Variants in CFAP70 observed in about 807,000 individuals in gnomAD.
CFAP70 encodes the protein cilia and flagella associated protein 70, also known as cilia- and flagella-associated protein 70.
In CFAP70, 81 loss-of-function variants were observed where a neutral mutation model predicts 137.6. The observed-to-expected ratio is 0.59, with a 90% CI of 0.49 to 0.71. CFAP70 has a LOEUF of 0.71. Ranked by LOEUF, CFAP70 falls within the 30% of genes least tolerant of loss-of-function variation. CFAP70 has a pLI of 0.00. For missense variants in CFAP70, 976 were observed against 1,226.7 expected (o/e 0.80, Z 3.05); for synonymous variants, 382 against 423.6 (o/e 0.90, Z 1.20).
intron 21 of CFAP70, chr10:73,276,910 A>C: frequency 5.5e-6 from 1 of 182,046 alleles, no homozygotes; most frequent in Non-Finnish European, 1.1e-5. Context: ...CCTAGAAGGG[A>C]AGAAGGGAAT....
rs534067540 is a variant in CFAP70 at position 73,329,161 on chromosome 10, T to TA, written c.777+2015dup. On this transcript the variant is annotated intron_variant, in intron 8 of 26. Transcript: ENST00000310715. ...TACACCGTGGAATACTATGTAGCCA[T>TA]AAAAAATGATGAGTTCATGTCCTTT... Among the ~76,000 whole-genome samples the TA allele has an allele frequency of 2.6e-3, 397 of 152,278 alleles. 2 individuals are homozygous for TA. The highest frequency in any genetic ancestry group is 9.1e-3 in the African/African-American group (377 of 41,534).
intron 21 of CFAP70, 47 bp downstream of exon 22, chr10:73,277,193 T>C (rs1248606375): frequency 6.3e-7 from 1 of 1,576,314 alleles, no homozygotes; most frequent in African/African-American, 1.4e-5. Context: ...GAATAAAGAG[T>C]TTGCTAAAAT....
intron 9 of CFAP70, among the ~76,000 whole-genome samples, chr10:73,322,644 T>C (rs2050978449): frequency 8.2e-6 from 1 of 122,438 alleles, no homozygotes; most frequent in Admixed American, 7.9e-5. Flanking sequence ...TGCATTTTAG[T>C]CTGTGCTGTT....
intron 8 of CFAP70, among the ~76,000 whole-genome samples, chr10:73,330,341 T>G (rs2051947231): frequency 6.6e-6 from 1 of 151,074 alleles, no homozygotes; most frequent in South Asian, 2.1e-4. Flanking sequence ...TCCCAGCTAC[T>G]CAGGAGGCTG....
At chr10:73,254,722 C>CT (rs2133468172) in intron 26 of CFAP70, among the ~76,000 whole-genome samples, 2 of 152,216 alleles carry the variant, frequency 1.3e-5, no homozygotes, top group South Asian at 4.1e-4. Flanking sequence ...AGCATGGCCC[C>CT]TTTTTCCTTT....
chr10:73,320,222 T>C (rs528934229), intron 9 of CFAP70, among the ~76,000 whole-genome samples: 40 of 152,324 alleles, frequency 2.6e-4, no homozygotes, highest in South Asian at 1.0e-3. Context: ...TCTTTAATAT[T>C]CATTTTTATA....
chr10:73,322,072 C>T (rs1395493840), intron 9 of CFAP70, among the ~76,000 whole-genome samples: 1 of 152,144 alleles, frequency 6.6e-6, no homozygotes. Flanking sequence ...GTGTGAGCCA[C>T]CACACCCAGT....
intron 9 of CFAP70, among the ~76,000 whole-genome samples, chr10:73,315,553 T>C (rs2050271244): frequency 6.6e-6 from 1 of 152,190 alleles, no homozygotes; most frequent in Non-Finnish European, 1.5e-5. Flanking sequence ...TTACCATAGA[T>C]ATTCTTTTTT....
At chr10:73,265,523 T>C (rs2395014) in intron 25 of CFAP70, among the ~76,000 whole-genome samples, 152,012 of 152,266 alleles carry the variant, frequency 1, 75,880 homozygotes, top group Middle Eastern at 1. Flanking sequence ...GTGAATATAC[T>C]ATAGTTTATT....
chr10:73,343,139 G>A (rs2053412000), intron 5 of CFAP70, among the ~76,000 whole-genome samples: 1 of 151,558 alleles, frequency 6.6e-6, no homozygotes, highest in Admixed American at 6.6e-5. Context: ...GAACCCAGAA[G>A]GCAGAGGGTG....
intron 25 of CFAP70, among the ~76,000 whole-genome samples, chr10:73,266,159 A>G (rs576802409): frequency 6.6e-6 from 1 of 152,284 alleles, no homozygotes; most frequent in South Asian, 2.1e-4. Flanking sequence ...TTTTGATGAC[A>G]TTGATTTTTA....
At chr10:73,351,736 T>C (rs1171907756) in intron 3 of CFAP70, among the ~76,000 whole-genome samples, 1 of 152,252 alleles carries the variant, frequency 6.6e-6, no homozygotes, top group African/African-American at 2.4e-5. Flanking sequence ...CAGCCCATTA[T>C]GTTTTTTAAT....
chr10:73,286,118 C>T (rs1334262009), intron 19 of CFAP70, among the ~76,000 whole-genome samples: 1 of 152,092 alleles, frequency 6.6e-6, no homozygotes, highest in Non-Finnish European at 1.5e-5. Flanking sequence ...AAGGATGAAA[C>T]TGAAATAGGC....
intron 6 of CFAP70, among the ~76,000 whole-genome samples, chr10:73,336,678 G>A (rs911950057): frequency 3.3e-5 from 5 of 150,894 alleles, no homozygotes; most frequent in African/African-American, 9.7e-5. Context: ...CTGCCTCCTG[G>A]GTTCACGCCA....
At chr10:73,272,365 ATAAG>A (rs1451314059) in intron 24 of CFAP70, among the ~76,000 whole-genome samples, 3 of 150,898 alleles carry the variant, frequency 2.0e-5, no homozygotes, top group Admixed American at 2.0e-4. Flanking sequence ...AAATAAATAA[ATAAG>A]TGAGTAAGCT....
chr10:73,293,331 G>T, exon 16 of CFAP70: 1 of 1,612,132 alleles, frequency 6.2e-7, no homozygotes, highest in Non-Finnish European at 8.5e-7. Context: ...AAGAGTTGAA[G>T]CTGTTCACTG....
intron 5 of CFAP70, among the ~76,000 whole-genome samples, chr10:73,342,485 G>C (rs552740817): frequency 6.6e-6 from 1 of 152,228 alleles, no homozygotes; most frequent in Middle Eastern, 3.4e-3. Context: ...CAAGGTTACT[G>C]TAATCTATGA....
chr10:73,297,593 T>C (rs1432119202), intron 14 of CFAP70, among the ~76,000 whole-genome samples: 2 of 152,220 alleles, frequency 1.3e-5, no homozygotes, highest in Non-Finnish European at 2.9e-5. Context: ...TACACTTTGG[T>C]ACCTCAGCTT....
At position 73,298,860 on chromosome 10, in the gene CFAP70, T is replaced by G. The variant is rs1415312301; in HGVS notation, c.1512+47A>C. 3 of 1,542,898 alleles carry G rather than the reference T, an allele frequency of 1.9e-6. No individual in the cohort carries two copies. The South Asian group carries it at 3.4e-5, about 17-fold the overall frequency. ...AATGTGATGTGGGTATGTGGAGAAC[T>G]TGCTCCATAAACACCCATGGAGTAA... On this transcript the variant is annotated intron_variant, in intron 14 of 26. Transcript: ENST00000310715.
Sources: allele counts gnomAD v4.1 joint callset (sites outside exome capture counted in the v4.1 genomes callset), GRCh38; gene constraint gnomAD v4.1.1; transcripts MANE v1.5; gene names NCBI Gene and HGNC (gene_info 2026-07-23, HGNC 2026-07-21).